The following CTNNA3 variants were observed in gnomAD, a reference collection of about 807,000 sequenced individuals.
CTNNA3 encodes the protein catenin alpha 3.
CTNNA3 carries 76 observed loss-of-function variants against 95.7 expected under a neutral mutation model. That is an observed-to-expected ratio of 0.79 (90% CI 0.66 to 0.96). The LOEUF (loss-of-function observed/expected upper bound fraction) is 0.96, where lower values mean the gene tolerates loss of function less well. Ranked by LOEUF, CTNNA3 falls within the 40% of genes least tolerant of loss-of-function variation. The pLI is 0.00. For synonymous variants in CTNNA3, 431 were observed against 374.4 expected, an observed-to-expected ratio of 1.15 and a Z score of -1.74; for missense variants, 1,191 against 1,089.8, an observed-to-expected ratio of 1.09 and a Z score of -1.31.
intron 8 of CTNNA3, among the ~76,000 whole-genome samples, chr10:66,772,003 T>C (rs1589237353): frequency 6.9e-6 from 1 of 144,070 alleles, no homozygotes; most frequent in Admixed American, 7.1e-5. Context: ...TGAGTTGGGG[T>C]TGTGTGTAAG....
intron 9 of CTNNA3, among the ~76,000 whole-genome samples, chr10:66,630,978 G>A (rs1378161338): frequency 3.3e-5 from 5 of 152,260 alleles, no homozygotes; most frequent in African/African-American, 9.6e-5. Context: ...AAAGGGACAC[G>A]TGAAAGGATC....
intron 10 of CTNNA3, among the ~76,000 whole-genome samples, chr10:66,562,853 G>A (rs1046071265): frequency 4.6e-5 from 7 of 152,032 alleles, no homozygotes; most frequent in Non-Finnish European, 8.8e-5. Context: ...TATACTATTT[G>A]TTCAATAAAA....
chr10:67,493,322 G>A (rs1374260425), intron 5 of CTNNA3, among the ~76,000 whole-genome samples: 1 of 152,130 alleles, frequency 6.6e-6, no homozygotes, highest in Non-Finnish European at 1.5e-5. Flanking sequence ...CAGCACTTGG[G>A]AGGCCGAGGC....
chr10:67,601,298 T>C (rs1359868729), intron 3 of CTNNA3, among the ~76,000 whole-genome samples: 4 of 152,166 alleles, frequency 2.6e-5, no homozygotes, highest in Non-Finnish European at 5.9e-5. Flanking sequence ...GGAATGGGGA[T>C]GGTTTCAGGA....
chr10:66,338,639 G>C (rs966029768), intron 12 of CTNNA3, among the ~76,000 whole-genome samples: 8 of 151,744 alleles, frequency 5.3e-5, no homozygotes, highest in Non-Finnish European at 8.8e-5. Context: ...AATAAACAGG[G>C]GAATGAAAAC....
intron 7 of CTNNA3, among the ~76,000 whole-genome samples, chr10:67,093,176 A>G (rs1349279262): frequency 2.0e-5 from 3 of 151,170 alleles, no homozygotes; most frequent in Non-Finnish European, 4.4e-5. Flanking sequence ...CTTTAAATAG[A>G]GCCTTCCAAC....
intron 9 of CTNNA3, among the ~76,000 whole-genome samples, chr10:66,742,449 C>T (rs1275061250): frequency 1.3e-5 from 2 of 152,078 alleles, no homozygotes; most frequent in African/African-American, 4.8e-5. Context: ...TGCCCTGCCT[C>T]CATTTGCCTT....
chr10:66,714,221 C>T (rs1477884257), intron 9 of CTNNA3, among the ~76,000 whole-genome samples: 7 of 152,002 alleles, frequency 4.6e-5, no homozygotes, highest in African/African-American at 1.7e-4. Context: ...AATAACTTTC[C>T]CTCTTCTTTG....
intron 14 of CTNNA3, among the ~76,000 whole-genome samples, chr10:66,072,479 C>G (rs1383444856): frequency 7.0e-6 from 1 of 142,030 alleles, no homozygotes; most frequent in Non-Finnish European, 1.6e-5. Context: ...GAGTCTTGCT[C>G]TGTCACCCAG....
rs187579429 is a variant in CTNNA3 at position 66,493,706 on chromosome 10, C to T, written c.1531+26911G>A. On this transcript the variant is annotated intron_variant, in intron 11 of 17. Transcript: ENST00000433211. ...CTACAAGCTCTGCCTCCCGGGTTCA[C>T]GCCATTCTCCCGCCTCAGCCTCCCA... Among the ~76,000 whole-genome samples, 997 of 145,206 alleles carry T rather than the reference C, an allele frequency of 6.9e-3. 11 individuals carry two copies. Among genetic ancestry groups the T allele is most frequent in the African/African-American group, 0.024 (951 of 38,914 alleles).
intron 7 of CTNNA3, among the ~76,000 whole-genome samples, chr10:66,800,301 A>C (rs1208366467): frequency 1.3e-5 from 2 of 151,390 alleles, no homozygotes; most frequent in Non-Finnish European, 3.0e-5. Context: ...CTTTTGATAA[A>C]TTAATATCAA....
intron 9 of CTNNA3, among the ~76,000 whole-genome samples, chr10:66,693,944 T>C (rs1379392700): frequency 1.3e-5 from 2 of 151,784 alleles, no homozygotes; most frequent in Non-Finnish European, 1.5e-5. Context: ...CCAGAATCTC[T>C]GGGACACATT....
At chr10:67,579,299 C>T (rs930235943) in intron 3 of CTNNA3, among the ~76,000 whole-genome samples, 14 of 148,162 alleles carry the variant, frequency 9.4e-5, no homozygotes, top group African/African-American at 2.7e-4. Context: ...TGAGAACATG[C>T]GGTCTTTGGT....
intron 7 of CTNNA3, among the ~76,000 whole-genome samples, chr10:67,008,161 T>C (rs957614071): frequency 2.0e-5 from 3 of 152,218 alleles, no homozygotes; most frequent in East Asian, 1.9e-4. Context: ...TAATAAAATA[T>C]TGATGAGTTC....
chr10:66,344,338 C>G (rs2092483047), intron 12 of CTNNA3, among the ~76,000 whole-genome samples: 1 of 151,562 alleles, frequency 6.6e-6, no homozygotes, highest in Non-Finnish European at 1.5e-5. Context: ...GTGATCTCAG[C>G]TCACTGCAAC....
chr10:66,644,253 T>C (rs577951536), intron 9 of CTNNA3, among the ~76,000 whole-genome samples: 2 of 144,664 alleles, frequency 1.4e-5, no homozygotes, highest in East Asian at 4.1e-4. Context: ...AATAAGAGAC[T>C]TGGTCTCTCT....
At chr10:66,325,805 A>G (rs2092247151) in intron 12 of CTNNA3, among the ~76,000 whole-genome samples, 1 of 152,132 alleles carries the variant, frequency 6.6e-6, no homozygotes, top group African/African-American at 2.4e-5. Context: ...ATGTGCTCAT[A>G]TTAAAAAATG....
chr10:67,312,821 T>C (rs1840866773), intron 5 of CTNNA3, among the ~76,000 whole-genome samples: 1 of 152,236 alleles, frequency 6.6e-6, no homozygotes, highest in Non-Finnish European at 1.5e-5. Context: ...GTTTTGTTTG[T>C]GGTAAAAAGT....
At position 65,919,280 on chromosome 10, in the gene CTNNA3, CTT is replaced by C. The variant is rs2077046276; in HGVS notation, c.*1048_*1049del. The C allele has an allele frequency of 6.6e-6, 1 of 152,138 alleles. No individual in the cohort carries two copies. The highest frequency in any genetic ancestry group is 1.5e-5 in the Non-Finnish European group (1 of 68,020). The allele number at this position is 152,138 out of a possible 1,614,324, so 9.4% of individuals were successfully genotyped here. A position where few individuals can be genotyped will look rare whatever the true frequency, so the allele number is the denominator to read the frequency against. ...TGGAGTTGTAAAATGACCCCAGTGA[CTT>C]TTATTTAAAAGAACGTTATTAAAAT... is the stretch of plus-strand genomic sequence containing the variant. On this transcript the variant is annotated 3_prime_UTR_variant, in exon 18 of 18. Transcript: ENST00000433211.
Sources: allele counts gnomAD v4.1 joint callset (sites outside exome capture counted in the v4.1 genomes callset), GRCh38; gene constraint gnomAD v4.1.1; transcripts MANE v1.5; gene names NCBI Gene and HGNC (gene_info 2026-07-23, HGNC 2026-07-21).